RBFOX1: variants seen among roughly 807,000 people sequenced by gnomAD.
The protein encoded by RBFOX1 is RNA binding fox-1 homolog 1.
Under a neutral mutation model 57.7 loss-of-function variants are expected in RBFOX1, and 8 were observed. The ratio of observed to expected loss-of-function variants is 0.14; its 90% CI spans 0.08 to 0.25. The LOEUF (loss-of-function observed/expected upper bound fraction) is 0.25. RBFOX1 is among the 10% of genes least tolerant of loss of function. The pLI, the probability that RBFOX1 is intolerant of heterozygous loss-of-function variation, is 1.00. For synonymous variants in RBFOX1, 326 were observed against 222.4 expected, an observed-to-expected ratio of 1.47 and a Z score of -4.15; for missense variants, 611 against 548.5, an observed-to-expected ratio of 1.11 and a Z score of -1.14.
chr16:7,069,183 T>A (rs1234509724), intron 4 of RBFOX1, among the ~76,000 whole-genome samples: 2 of 152,170 alleles, frequency 1.3e-5, no homozygotes, highest in African/African-American at 4.8e-5. Flanking sequence ...ATCCTTTAAT[T>A]TATTTATTTT....
chr16:7,432,346 C>G, intron 4 of RBFOX1, among the ~76,000 whole-genome samples: 1 of 152,130 alleles, frequency 6.6e-6, no homozygotes, highest in East Asian at 1.9e-4. Context: ...AATCTGCTAC[C>G]CCACTCATCT....
At chr16:6,898,827 G>A (rs147496462) in intron 3 of RBFOX1, among the ~76,000 whole-genome samples, 6 of 151,680 alleles carry the variant, frequency 4.0e-5, no homozygotes, top group Non-Finnish European at 5.9e-5. Flanking sequence ...TATAATACAT[G>A]TGTGTATGTG....
At chr16:7,333,148 G>C (rs1568256126) in intron 4 of RBFOX1, 3 of 1,494,194 alleles carry the variant, frequency 2.0e-6, no homozygotes, top group Non-Finnish European at 2.8e-6. Flanking sequence ...GTAATAATTG[G>C]AATTTTTATG....
At chr16:6,882,832 C>G (rs781028781) in intron 3 of RBFOX1, among the ~76,000 whole-genome samples, 1 of 152,070 alleles carries the variant, frequency 6.6e-6, no homozygotes, top group East Asian at 1.9e-4. Context: ...TGCCCCTTTT[C>G]AGAGGCTTTA....
At chr16:7,591,504 T>C (rs2094441641) in intron 7 of RBFOX1, among the ~76,000 whole-genome samples, 1 of 152,212 alleles carries the variant, frequency 6.6e-6, no homozygotes. Flanking sequence ...AGGATCAGAA[T>C]GTATGATTTG....
chr16:6,502,648 T>A lies in RBFOX1; in HGVS notation c.-63-151955T>A, dbSNP rs151046000. On this transcript the variant is annotated intron_variant, in intron 2 of 15. Transcript: ENST00000550418. ...GGTGGATAAGTTGTGCTAGCAAGTGTTTGTATGTGGAACTTTTCTATTGTT... is the reference window on the plus strand; with the variant it reads ...GGTGGATAAGTTGTGCTAGCAAGTGATTGTATGTGGAACTTTTCTATTGTT... Among the ~76,000 whole-genome samples, 38 of 152,178 alleles carry A rather than the reference T, an allele frequency of 2.5e-4. No homozygotes were observed. The East Asian group carries it at 7.0e-3, about 28-fold the overall frequency.
intron 12 of RBFOX1, among the ~76,000 whole-genome samples, chr16:7,663,439 T>C (rs1467027700): frequency 6.6e-6 from 1 of 152,144 alleles, no homozygotes; most frequent in Non-Finnish European, 1.5e-5. Flanking sequence ...TGAAATACTC[T>C]AAGCAGCACA....
At chr16:5,455,814 C>T (rs2068613945) in intron 1 of RBFOX1, among the ~76,000 whole-genome samples, 1 of 152,040 alleles carries the variant, frequency 6.6e-6, no homozygotes, top group Non-Finnish European at 1.5e-5. Context: ...GGCTAGAGAA[C>T]CCTGGTTTCG....
chr16:6,148,602 C>T (rs1323001974), intron 1 of RBFOX1, among the ~76,000 whole-genome samples: 1 of 152,070 alleles, frequency 6.6e-6, no homozygotes, highest in Non-Finnish European at 1.5e-5. Flanking sequence ...AGATGAATCC[C>T]CTTTGACTAA....
At chr16:6,582,624 G>C (rs2097551698) in intron 2 of RBFOX1, among the ~76,000 whole-genome samples, 1 of 151,920 alleles carries the variant, frequency 6.6e-6, no homozygotes, top group African/African-American at 2.4e-5. Flanking sequence ...GTAGATCCAA[G>C]AGGTCAAATA....
chr16:6,008,221 A>G lies in RBFOX1; in HGVS notation c.351+140886A>G, dbSNP rs187370445. The stretch of plus-strand genomic sequence containing the variant: ...CTGTATCCCCCCCACCCACCCCCCA[A>G]AAAAAGGTAGTGTGTAGGCAGAGTG... On this transcript the variant is annotated intron_variant, in intron 4 of 19. Coordinates refer to the RBFOX1 transcript ENST00000641259. Among the ~76,000 whole-genome samples the G allele has an allele frequency of 1.1e-3, 119 of 106,150 alleles. 2 individuals carry two copies. In the East Asian group the frequency reaches 0.012, roughly 11 times the overall value. 69.6% of individuals were successfully genotyped at this position (106,150 alleles called of 152,430 possible).
In RBFOX1 at chr16:7,571,553, G is replaced by A. The variant is rs35217280; in HGVS notation, c.271-8224G>A. Among the ~76,000 whole-genome samples, 1,237 of 152,310 alleles carry A rather than the reference G, an allele frequency of 8.1e-3. 18 individuals carry two copies. The highest frequency in any genetic ancestry group is 0.028 in the African/African-American group (1,169 of 41,576). On this transcript the variant is annotated intron_variant, in intron 5 of 15. Transcript: ENST00000550418. ...TGATCTTCAGGAGATTAAAGTGCCA[G>A]TGGTGTTTTCTTAACATTTATAACC... is the stretch of plus-strand genomic sequence containing the variant.
chr16:7,106,143 A>G (rs1394693909), intron 4 of RBFOX1, among the ~76,000 whole-genome samples: 1 of 152,170 alleles, frequency 6.6e-6, no homozygotes, highest in Admixed American at 6.5e-5. Context: ...TAGCAGCATC[A>G]TGACCTGTGA....
intron 3 of RBFOX1, among the ~76,000 whole-genome samples, chr16:6,672,371 G>T (rs1029265353): frequency 1.3e-5 from 2 of 150,948 alleles, no homozygotes; most frequent in Non-Finnish European, 3.0e-5. Context: ...AGAGAAGAGG[G>T]AGAAAGAGAG....
intron 4 of RBFOX1, among the ~76,000 whole-genome samples, chr16:5,909,881 C>T (rs1010043861): frequency 4.6e-5 from 7 of 152,022 alleles, no homozygotes; most frequent in African/African-American, 7.2e-5. Flanking sequence ...GGTGAAACCC[C>T]GTCTCCACTA....
chr16:7,252,713 AT>A, intron 4 of RBFOX1, among the ~76,000 whole-genome samples: 1 of 147,490 alleles, frequency 6.8e-6, no homozygotes, highest in Admixed American at 6.7e-5. Flanking sequence ...TTTTTTTTAA[AT>A]TTGAGTCACC....
intron 1 of RBFOX1, among the ~76,000 whole-genome samples, chr16:5,293,451 C>T (rs2063583433): frequency 6.6e-6 from 1 of 152,186 alleles, no homozygotes; most frequent in South Asian, 2.1e-4. Flanking sequence ...ATATCCATTG[C>T]TTGTCAGTGG....
chr16:7,304,284 C>G lies in RBFOX1; in HGVS notation c.28-213863C>G, dbSNP rs1048360335. On this transcript the variant is annotated intron_variant, in intron 4 of 15. Coordinates refer to ENST00000550418, the MANE Select transcript of RBFOX1 (RefSeq NM_018723.4). ...ACCGGTCATTGACTTAGATAACCAGCAAAATTAAAAAAGAAAAAAAAAAAT... is the reference window on the plus strand; with the variant it reads ...ACCGGTCATTGACTTAGATAACCAGGAAAATTAAAAAAGAAAAAAAAAAAT... 3.1e-6 allele frequency: 3 copies of G among 982,118 alleles called. No homozygotes were observed. In the African/African-American group the frequency reaches 5.3e-5, roughly 18 times the overall value. The allele number at this position is 982,118 out of a possible 1,614,324, so 60.8% of individuals were successfully genotyped here.
chr16:7,202,833 A>C (rs56723051), intron 4 of RBFOX1, among the ~76,000 whole-genome samples: 1 of 152,176 alleles, frequency 6.6e-6, no homozygotes, highest in Non-Finnish European at 1.5e-5. Flanking sequence ...TTTATCTTCC[A>C]CAAAACTGGT....
Sources: allele counts gnomAD v4.1 joint callset (sites outside exome capture counted in the v4.1 genomes callset), GRCh38; gene constraint gnomAD v4.1.1; transcripts MANE v1.5; gene names NCBI Gene and HGNC (gene_info 2026-07-23, HGNC 2026-07-21).